RIMS4: variants seen among roughly 807,000 people sequenced by gnomAD.
RIMS4 encodes the protein regulating synaptic membrane exocytosis 4, also known as regulating synaptic membrane exocytosis protein 4.
A neutral mutation model predicts 29.0 loss-of-function variants in RIMS4; 9 were observed. The ratio of observed to expected loss-of-function variants is 0.31; its 90% CI spans 0.19 to 0.54. The LOEUF (loss-of-function observed/expected upper bound fraction) is 0.54, where lower values mean the gene tolerates loss of function less well. Ranked by LOEUF, RIMS4 falls within the 20% of genes least tolerant of loss-of-function variation. The pLI is 0.94. For missense variants in RIMS4, 193 were observed against 365.7 expected, an observed-to-expected ratio of 0.53 and a Z score of 3.85; for synonymous variants, 130 against 152.9, an observed-to-expected ratio of 0.85 and a Z score of 1.10.
intron 2 of RIMS4, among the ~76,000 whole-genome samples, chr20:44,770,950 T>C (rs926594768): frequency 3.9e-5 from 6 of 152,314 alleles, no homozygotes; most frequent in Middle Eastern, 3.4e-3. Flanking sequence ...TGTAAACGTC[T>C]AATCCTCATA....
Position 44,756,403 on chromosome 20 carries a change from G to T in RIMS4, c.592-51C>A. On this transcript the variant is annotated intron_variant, in intron 5 of 5. Transcript: ENST00000372851. The surrounding 1 kb of genome is among the most constrained non-coding windows in gnomAD (Gnocchi z 5.9). Reference sequence around the variant, plus strand: ...CAAATCCTGCCAGTGCCACTCACAGGCCCAGAAGCAGAACCTGGGTCGCCC... The same window carrying T: ...CAAATCCTGCCAGTGCCACTCACAGTCCCAGAAGCAGAACCTGGGTCGCCC... The T allele has an allele frequency of 1.3e-6, 2 of 1,527,960 alleles. No homozygotes were observed. The highest frequency in any genetic ancestry group is 1.8e-6 in the Non-Finnish European group (2 of 1,114,722). 94.7% of individuals were successfully genotyped at this position (1,527,960 alleles called of 1,614,324 possible).
chr20:44,792,620 A>G (rs183496610), intron 1 of RIMS4, among the ~76,000 whole-genome samples: 29 of 152,300 alleles, frequency 1.9e-4, no homozygotes, highest in Admixed American at 1.6e-3. Context: ...GCCCTGGGCC[A>G]AAGATGGGCC....
At chr20:44,779,883 C>A (rs569188778) in intron 1 of RIMS4, among the ~76,000 whole-genome samples, 22 of 152,142 alleles carry the variant, frequency 1.4e-4, no homozygotes, top group Non-Finnish European at 1.0e-4. Flanking sequence ...AAGCAATGTT[C>A]TGAAGAAGTG....
chr20:44,809,689 T>C (rs1413446949), intron 1 of RIMS4, among the ~76,000 whole-genome samples: 1 of 152,064 alleles, frequency 6.6e-6, no homozygotes, highest in Non-Finnish European at 1.5e-5. Flanking sequence ...GCTCAAGGCC[T>C]GGGGCGCCGG....
chr20:44,797,139 T>C (rs1381259064), intron 1 of RIMS4, among the ~76,000 whole-genome samples: 2 of 152,250 alleles, frequency 1.3e-5, no homozygotes, highest in African/African-American at 4.8e-5. Flanking sequence ...AGCTCCCTCT[T>C]TCCTGGGTGG....
At chr20:44,790,541 C>A (rs1393348923) in intron 1 of RIMS4, among the ~76,000 whole-genome samples, 2 of 152,186 alleles carry the variant, frequency 1.3e-5, no homozygotes, top group South Asian at 2.1e-4. Flanking sequence ...TGTGAATGTC[C>A]GCGTCTATGT....
intron 1 of RIMS4, among the ~76,000 whole-genome samples, chr20:44,775,324 C>T (rs970214729): frequency 1.3e-5 from 2 of 152,174 alleles, no homozygotes; most frequent in Non-Finnish European, 2.9e-5. Flanking sequence ...CCCACTGTAG[C>T]ATGCTATGTG....
At chr20:44,758,544 G>A (rs558270134) in intron 2 of RIMS4, among the ~76,000 whole-genome samples, 10 of 152,224 alleles carry the variant, frequency 6.6e-5, no homozygotes, top group Admixed American at 2.0e-4. Flanking sequence ...CATTTCTTGC[G>A]GCTGCTTGGC....
chr20:44,801,989 G>A (rs1397747423), intron 1 of RIMS4, among the ~76,000 whole-genome samples: 5 of 152,098 alleles, frequency 3.3e-5, no homozygotes, highest in African/African-American at 7.2e-5. Context: ...TCTGCATCAC[G>A]TGGGAACTTG....
At chr20:44,787,224 T>A (rs1196753381) in intron 1 of RIMS4, among the ~76,000 whole-genome samples, 1 of 151,686 alleles carries the variant, frequency 6.6e-6, no homozygotes, top group Non-Finnish European at 1.5e-5. Context: ...AGGTTTGAGA[T>A]GATGGGGCAG....
At chr20:44,758,229 T>C in intron 2 of RIMS4, 45 bp from the exon 3 acceptor site, 1 of 1,384,152 alleles carries the variant, frequency 7.2e-7, no homozygotes, top group Non-Finnish European at 1.0e-6. Flanking sequence ...CCCAGTGGTT[T>C]ACCAACAACT....
intron 1 of RIMS4, among the ~76,000 whole-genome samples, chr20:44,777,154 G>A (rs1295380237): frequency 1.3e-5 from 2 of 152,196 alleles, no homozygotes; most frequent in Non-Finnish European, 2.9e-5. Flanking sequence ...AGTGTTTACA[G>A]CGTGAGCTCA....
chr20:44,796,155 C>T (rs766297729), intron 1 of RIMS4, among the ~76,000 whole-genome samples: 5 of 151,286 alleles, frequency 3.3e-5, no homozygotes, highest in African/African-American at 4.9e-5. Context: ...CTGAGCTGTC[C>T]CCCTCCCTGT....
At chr20:44,784,680 T>C (rs1015687728) in intron 1 of RIMS4, among the ~76,000 whole-genome samples, 2 of 152,244 alleles carry the variant, frequency 1.3e-5, no homozygotes, top group Non-Finnish European at 2.9e-5. Flanking sequence ...TCCTACTCCT[T>C]GGATGAGCAG....
chr20:44,761,647 C>T (rs2066085708), intron 2 of RIMS4, among the ~76,000 whole-genome samples: 1 of 152,172 alleles, frequency 6.6e-6, no homozygotes, highest in African/African-American at 2.4e-5. Context: ...TAGCTCCCCT[C>T]CCTTCCCATC....
At chr20:44,782,734 A>C (rs1209500917) in intron 1 of RIMS4, among the ~76,000 whole-genome samples, 1 of 152,170 alleles carries the variant, frequency 6.6e-6, no homozygotes, top group Non-Finnish European at 1.5e-5. Context: ...ACTTTTCTCT[A>C]TGTGTATTTC....
At position 44,788,721 on chromosome 20, in the gene RIMS4, C is replaced by A. The variant is rs566935407; in HGVS notation, c.98-17308G>T. On this transcript the variant is annotated intron_variant, in intron 1 of 5. Coordinates refer to ENST00000372851, the MANE Select transcript of RIMS4 (RefSeq NM_182970.4). Reference sequence around the variant, plus strand: ...AGGCTGCAGTGAGCTATGATCACACCACTGCACTAAAATCTGGGTGACAGA... The same window carrying A: ...AGGCTGCAGTGAGCTATGATCACACAACTGCACTAAAATCTGGGTGACAGA... 2.2e-4 allele frequency among the ~76,000 whole-genome samples: 34 copies of A among 152,126 alleles called. No homozygotes were observed. In the East Asian group the frequency reaches 6.6e-3, roughly 29 times the overall value.
At chr20:44,767,051 G>T (rs947206507) in intron 2 of RIMS4, among the ~76,000 whole-genome samples, 2 of 152,218 alleles carry the variant, frequency 1.3e-5, no homozygotes, top group Non-Finnish European at 2.9e-5. Context: ...GGCTCTGGTT[G>T]CCCACCAGGA....
Position 44,756,098 on chromosome 20 carries a change from C to T in RIMS4, c.*36G>A. 2.0e-6 allele frequency: 3 copies of T among 1,531,996 alleles called. No homozygotes were observed. Among genetic ancestry groups the T allele is most frequent in the Non-Finnish European group, 8.9e-7 (1 of 1,122,764 alleles). 94.9% of individuals were successfully genotyped at this position (1,531,996 alleles called of 1,614,324 possible). ...GTCCCAGGTCAGGGCTGGGTGGTCT[C>T]CAGGCCATCTTGGGGAGCCCCTCCC... On this transcript the variant is annotated 3_prime_UTR_variant, in exon 6 of 6. Coordinates refer to ENST00000372851, the MANE Select transcript of RIMS4 (RefSeq NM_182970.4). This position sits in a 1 kb window ranked among gnomAD's most constrained non-coding sequence, Gnocchi z 5.9.
Sources: gnomAD v4.1 joint callset for allele counts (sites outside exome capture counted in the v4.1 genomes callset) on GRCh38, gnomAD v4.1.1 for gene constraint, Gnocchi (gnomAD v3.1) non-coding constraint, MANE v1.5 for transcripts, NCBI Gene and HGNC (gene_info 2026-07-23, HGNC 2026-07-21) for gene names.